Variants in MAGI2 observed in about 807,000 individuals in gnomAD.
MAGI2 encodes the protein membrane associated guanylate kinase, WW and PDZ domain containing 2, also known as membrane-associated guanylate kinase, WW and PDZ domain-containing protein 2.
Under a neutral mutation model 133.3 loss-of-function variants are expected in MAGI2, and 35 were observed. That is an observed-to-expected ratio of 0.26 (90% confidence interval 0.20 to 0.35). The LOEUF (loss-of-function observed/expected upper bound fraction) is 0.35. MAGI2 is among the 10% of genes least tolerant of loss of function. MAGI2 has a pLI of 1.00. For synonymous variants in MAGI2, 729 were observed against 710.6 expected (o/e 1.03, Z -0.41); for missense variants, 1,636 against 1,863.4 (o/e 0.88, Z 2.25).
At chr7:78,426,548 T>C (rs1465976363) in intron 6 of MAGI2, among the ~76,000 whole-genome samples, 4 of 152,012 alleles carry the variant, frequency 2.6e-5, no homozygotes, top group African/African-American at 4.8e-5. Flanking sequence ...ATGGCACATG[T>C]ATACATATGT....
At chr7:79,176,878 T>A (rs559215909) in intron 1 of MAGI2, 1 of 55,738 alleles carries the variant, frequency 1.8e-5, no homozygotes, top group South Asian at 3.2e-4. Context: ...TGCAGCTAAA[T>A]AGTTGATCTG....
chr7:78,072,254 C>G (rs1275411642), intron 21 of MAGI2, among the ~76,000 whole-genome samples: 2 of 152,266 alleles, frequency 1.3e-5, no homozygotes, highest in Non-Finnish European at 2.9e-5. Context: ...ACTGAAGAAG[C>G]CAAGTGCTCT....
At chr7:79,401,771 T>C (rs1488530870) in intron 1 of MAGI2, among the ~76,000 whole-genome samples, 3 of 152,090 alleles carry the variant, frequency 2.0e-5, no homozygotes, top group African/African-American at 7.2e-5. Flanking sequence ...TATAAACTTA[T>C]TACTACATGT....
intron 2 of MAGI2, among the ~76,000 whole-genome samples, chr7:78,636,654 T>C (rs1809681561): frequency 1.3e-5 from 2 of 151,878 alleles, no homozygotes; most frequent in African/African-American, 2.4e-5. Context: ...AAAAATTAGC[T>C]GGGCGTGGTG....
At chr7:78,536,175 G>T (rs544447685) in intron 3 of MAGI2, among the ~76,000 whole-genome samples, 2 of 136,594 alleles carry the variant, frequency 1.5e-5, no homozygotes, top group Non-Finnish European at 3.1e-5. Flanking sequence ...TGCAGTGGCG[G>T]GATCTCGGCT....
chr7:78,235,477 T>C (rs532906808), intron 10 of MAGI2, among the ~76,000 whole-genome samples: 2 of 152,312 alleles, frequency 1.3e-5, no homozygotes, highest in South Asian at 4.1e-4. Context: ...AGTAATTTAA[T>C]CATGGGGACT....
At chr7:78,686,991 G>A (rs1228474241) in intron 2 of MAGI2, among the ~76,000 whole-genome samples, 2 of 152,152 alleles carry the variant, frequency 1.3e-5, no homozygotes, top group African/African-American at 4.8e-5. Context: ...TGGAGACTGG[G>A]CTAAATCACT....
Position 78,664,717 on chromosome 7 carries a change from T to C in MAGI2, c.419-37478A>G, listed in dbSNP as rs1174781119. ...AAAAATAGCAAAGTATATTAGAAGA[T>C]TCTCTTTATTCTATTCTAACAATTA... On this transcript the variant is annotated intron_variant, in intron 2 of 21. Coordinates refer to ENST00000354212, the MANE Select transcript of MAGI2 (RefSeq NM_012301.4). Among the ~76,000 whole-genome samples the C allele has an allele frequency of 4.9e-5, 6 of 123,444 alleles. No homozygotes were observed. In the East Asian group the frequency reaches 1.3e-3, roughly 26 times the overall value. The allele number at this position is 123,444 out of a possible 152,430, so 81.0% of individuals were successfully genotyped here.
chr7:79,427,369 A>C (rs1451421483), intron 1 of MAGI2, among the ~76,000 whole-genome samples: 1 of 152,130 alleles, frequency 6.6e-6, no homozygotes, highest in Non-Finnish European at 1.5e-5. Context: ...TCAGAACTTA[A>C]AGTAAAATTA....
At chr7:79,253,336 T>A (rs1463839466) in intron 1 of MAGI2, among the ~76,000 whole-genome samples, 2 of 152,138 alleles carry the variant, frequency 1.3e-5, no homozygotes, top group Non-Finnish European at 2.9e-5. Flanking sequence ...CACACTGTCA[T>A]TTACTGTTAA....
intron 9 of MAGI2, among the ~76,000 whole-genome samples, chr7:78,292,231 A>G (rs1242377013): frequency 6.6e-6 from 1 of 152,256 alleles, no homozygotes; most frequent in Admixed American, 6.5e-5. Flanking sequence ...CAACTTCAGC[A>G]AAGTCTCAGG....
chr7:78,544,868 C>A (rs1205946522), intron 3 of MAGI2, among the ~76,000 whole-genome samples: 1 of 151,662 alleles, frequency 6.6e-6, no homozygotes, highest in South Asian at 2.1e-4. Context: ...AAACAAAAAA[C>A]AACAGCAACA....
At chr7:78,252,210 C>G (rs560845844) in intron 10 of MAGI2, 1 of 150,118 alleles carries the variant, frequency 6.7e-6, no homozygotes. Context: ...CCTAGAATAG[C>G]CACATTATTT....
At chr7:79,257,729 A>G (rs1156643426) in intron 1 of MAGI2, among the ~76,000 whole-genome samples, 2 of 152,244 alleles carry the variant, frequency 1.3e-5, no homozygotes, top group Non-Finnish European at 2.9e-5. Flanking sequence ...CAGGTCACCA[A>G]GAGATCAGTA....
chr7:79,177,288 A>T (rs1227699724), intron 1 of MAGI2: 1 of 133,820 alleles, frequency 7.5e-6, no homozygotes, highest in East Asian at 2.1e-4. Context: ...CTTCGTGTTT[A>T]AAAACACTAT....
chr7:78,132,846 C>T (rs1245111737), intron 18 of MAGI2, 43 bp downstream of exon 18: 2 of 1,613,848 alleles, frequency 1.2e-6, no homozygotes, highest in African/African-American at 1.3e-5. Flanking sequence ...CCTTTCCCCA[C>T]CCTATCACCT....
chr7:79,172,344 C>A (rs760097404), intron 1 of MAGI2, among the ~76,000 whole-genome samples: 1 of 151,980 alleles, frequency 6.6e-6, no homozygotes, highest in Admixed American at 6.6e-5. Context: ...TATAGCCATA[C>A]CTTTGAACCC....
chr7:79,233,774 G>A (rs1222184034), intron 1 of MAGI2, among the ~76,000 whole-genome samples: 17 of 132,356 alleles, frequency 1.3e-4, no homozygotes, highest in Non-Finnish European at 1.9e-4. Context: ...TCTTTTAATT[G>A]GAGCATTTAG....
At chr7:78,335,390 T>A (rs1227090764) in intron 9 of MAGI2, among the ~76,000 whole-genome samples, 1 of 152,168 alleles carries the variant, frequency 6.6e-6, no homozygotes, top group African/African-American at 2.4e-5. Flanking sequence ...AGAGAACAGA[T>A]TAGACTTTCT....
Sources: gnomAD v4.1 joint callset for allele counts (sites outside exome capture counted in the v4.1 genomes callset) on GRCh38, gnomAD v4.1.1 for gene constraint, MANE v1.5 for transcripts, NCBI Gene and HGNC (gene_info 2026-07-23, HGNC 2026-07-21) for gene names.